FER: variants seen among roughly 807,000 people sequenced by gnomAD.
FER encodes the protein tyrosine-protein kinase Fer.
FER carries 63 observed loss-of-function variants against 111.0 expected under a neutral mutation model. The ratio of observed to expected loss-of-function variants is 0.57; its 90% CI spans 0.46 to 0.70. The LOEUF (loss-of-function observed/expected upper bound fraction) is 0.70, where lower values mean the gene tolerates loss of function less well. Among genes scored for constraint, FER ranks in the 30% least tolerant of loss-of-function variants. FER has a pLI of 0.00. For synonymous variants in FER, 327 were observed against 313.9 expected (o/e 1.04, Z -0.44); for missense variants, 914 against 954.0 (o/e 0.96, Z 0.55).
chr5:108,999,348 G>T (rs1229763567), intron 13 of FER, among the ~76,000 whole-genome samples: 2 of 152,072 alleles, frequency 1.3e-5, no homozygotes, highest in Non-Finnish European at 2.9e-5. Flanking sequence ...CACCTGTATG[G>T]ATAGTGTGGC....
intron 5 of FER, among the ~76,000 whole-genome samples, chr5:108,836,854 C>T (rs1760721151): frequency 6.6e-6 from 1 of 151,788 alleles, no homozygotes; most frequent in African/African-American, 2.4e-5. Flanking sequence ...CTGTTTGTCC[C>T]CCTTCTCTCT....
intron 3 of FER, among the ~76,000 whole-genome samples, chr5:108,809,214 T>A (rs963420040): frequency 1.3e-5 from 2 of 152,216 alleles, no homozygotes; most frequent in Non-Finnish European, 2.9e-5. Flanking sequence ...TTCTCCTTCT[T>A]TCTCAGGAAT....
At chr5:108,974,527 A>G (rs183534056) in intron 13 of FER, among the ~76,000 whole-genome samples, 20 of 152,306 alleles carry the variant, frequency 1.3e-4, no homozygotes, top group African/African-American at 4.8e-4. Flanking sequence ...GGCATGGTAG[A>G]TAGAATAATG....
At chr5:108,880,294 G>GA (rs1477235571) in intron 8 of FER, among the ~76,000 whole-genome samples, 1 of 152,104 alleles carries the variant, frequency 6.6e-6, no homozygotes, top group African/African-American at 2.4e-5. Flanking sequence ...ATAAGGAGAG[G>GA]AAAGGCTTTT....
At chr5:109,105,035 G>A (rs1425851548) in intron 17 of FER, among the ~76,000 whole-genome samples, 3 of 152,174 alleles carry the variant, frequency 2.0e-5, no homozygotes, top group South Asian at 2.1e-4. Flanking sequence ...GAGCCACCGC[G>A]CCCGGCCAAG....
chr5:109,037,154 G>T (rs183621042), intron 13 of FER, among the ~76,000 whole-genome samples: 10 of 152,134 alleles, frequency 6.6e-5, no homozygotes, highest in Non-Finnish European at 1.3e-4. Flanking sequence ...GAAAGTACAT[G>T]CTGTGCTCTA....
intron 13 of FER, among the ~76,000 whole-genome samples, chr5:109,003,804 A>AC (rs1225162504): frequency 6.6e-6 from 1 of 151,760 alleles, no homozygotes; most frequent in Non-Finnish European, 1.5e-5. Context: ...TCATAGAGAG[A>AC]CCCCATCTCT....
At chr5:108,881,422 C>T (rs541021662) in intron 8 of FER, among the ~76,000 whole-genome samples, 213 of 152,164 alleles carry the variant, frequency 1.4e-3, no homozygotes, top group African/African-American at 4.4e-3. Context: ...GTGAAAAGAG[C>T]GTGAGAAAGA....
chr5:108,892,337 G>T (rs569047831), intron 9 of FER, among the ~76,000 whole-genome samples: 1 of 152,200 alleles, frequency 6.6e-6, no homozygotes, highest in East Asian at 1.9e-4. Context: ...GTTGTTTCCT[G>T]ACTTTTTAAT....
intron 17 of FER, among the ~76,000 whole-genome samples, chr5:109,167,023 A>G (rs1756624991): frequency 6.6e-6 from 1 of 152,126 alleles, no homozygotes; most frequent in African/African-American, 2.4e-5. Flanking sequence ...GTGAGAGCCT[A>G]CCTCTCAGCA....
At chr5:109,137,043 G>T (rs1414344013) in intron 17 of FER, among the ~76,000 whole-genome samples, 3 of 152,100 alleles carry the variant, frequency 2.0e-5, no homozygotes, top group Non-Finnish European at 4.4e-5. Context: ...CGTTAAAATA[G>T]CATTTCCCAA....
chr5:108,889,699 T>C lies in FER; in HGVS notation c.1046+6181T>C, dbSNP rs899087477. Among the ~76,000 whole-genome samples the C allele has an allele frequency of 5.3e-5, 8 of 152,074 alleles. No individual in the cohort carries two copies. In the South Asian group the frequency reaches 1.0e-3, roughly 20 times the overall value. ...AGTTTATAACACAAAGGATAAATGC[T>C]TGAGGTGATGGATACCCCGTTTACC... On this transcript the variant is annotated intron_variant, in intron 9 of 19. Coordinates refer to ENST00000281092, the MANE Select transcript of FER (RefSeq NM_005246.4).
At position 108,901,300 on chromosome 5, in the gene FER, A is replaced by T. The variant is rs533488686; in HGVS notation, c.1236+3452A>T. Among the ~76,000 whole-genome samples, 9 of 152,154 alleles carry T rather than the reference A, an allele frequency of 5.9e-5. No individual in the cohort carries two copies. In the South Asian group the frequency reaches 1.9e-3, roughly 32 times the overall value. Reference sequence around the variant, plus strand: ...GCTGTGGTTATGCTAGATAAGTATGATGAATTAAGTAAGAGAGGGGAAGAG... The same window carrying T: ...GCTGTGGTTATGCTAGATAAGTATGTTGAATTAAGTAAGAGAGGGGAAGAG... On this transcript the variant is annotated intron_variant, in intron 10 of 19. Coordinates refer to ENST00000281092, the MANE Select transcript of FER (RefSeq NM_005246.4).
At chr5:109,044,994 C>CTTAAATTCTTATTCA (rs1771740981) in intron 15 of FER, among the ~76,000 whole-genome samples, 199 bp downstream of exon 15, 1 of 151,990 alleles carries the variant, frequency 6.6e-6, no homozygotes, top group Non-Finnish European at 1.5e-5. Context: ...TGTTAAAAAG[C>CTTAAATTCTTATTCA]AGTATTATTC....
At chr5:108,818,197 G>A (rs1461025066) in intron 3 of FER, 1 of 152,196 alleles carries the variant, frequency 6.6e-6, no homozygotes, top group Non-Finnish European at 1.5e-5. Context: ...GGAGGCCAAG[G>A]AGGGTGGATT....
intron 8 of FER, among the ~76,000 whole-genome samples, chr5:108,873,584 C>T (rs1164272905): frequency 6.6e-6 from 1 of 152,168 alleles, no homozygotes; most frequent in Non-Finnish European, 1.5e-5. Flanking sequence ...CATGAGAGTA[C>T]ACTGCATTAC....
intron 13 of FER, among the ~76,000 whole-genome samples, chr5:108,998,383 C>T (rs1314325106): frequency 6.6e-6 from 1 of 152,032 alleles, no homozygotes; most frequent in Admixed American, 6.6e-5. Context: ...CTCATGACTT[C>T]CCTTGGCCAG....
Position 109,180,960 on chromosome 5 carries a change from A to C in FER, c.2203+59A>C. 2.1e-6 allele frequency: 3 copies of C among 1,436,070 alleles called. No homozygotes were observed. In the South Asian group the frequency reaches 4.2e-5, roughly 20 times the overall value. The allele number at this position is 1,436,070 out of a possible 1,614,324, so 89.0% of individuals were successfully genotyped here. On this transcript the variant is annotated intron_variant, in intron 18 of 19. Transcript: ENST00000281092. ...AAAATGAACGGCATCAGCATAAAACATTCACAAGCAATATTTACAGGGGTA... is the reference window on the plus strand; with the variant it reads ...AAAATGAACGGCATCAGCATAAAACCTTCACAAGCAATATTTACAGGGGTA...
intron 16 of FER, among the ~76,000 whole-genome samples, chr5:109,048,969 C>A (rs537080636): frequency 1.1e-4 from 17 of 152,062 alleles, no homozygotes; most frequent in African/African-American, 3.6e-4. Context: ...TCAACCGCAA[C>A]TTTATTTGTG....
Sources: allele counts gnomAD v4.1 joint callset (sites outside exome capture counted in the v4.1 genomes callset), GRCh38; gene constraint gnomAD v4.1.1; transcripts MANE v1.5; gene names NCBI Gene and HGNC (gene_info 2026-07-23, HGNC 2026-07-21).